The following C8orf34 variants were observed in gnomAD, a reference collection of about 807,000 sequenced individuals.
C8orf34 encodes chromosome 8 open reading frame 34, also known as uncharacterized protein C8orf34.
Under a neutral mutation model 68.3 loss-of-function variants are expected in C8orf34, and 65 were observed. The observed-to-expected ratio is 0.95, with a 90% CI of 0.78 to 1.17. C8orf34 has a LOEUF of 1.17. Among genes scored for constraint, C8orf34 ranks in the 50% most tolerant of loss-of-function variants. C8orf34 has a pLI of 0.00. For missense variants in C8orf34, 664 were observed against 655.4 expected (o/e 1.01, Z -0.14); for synonymous variants, 244 against 241.2 (o/e 1.01, Z -0.11).
At chr8:68,499,476 A>C (rs1162680596) in intron 5 of C8orf34, among the ~76,000 whole-genome samples, 1 of 152,210 alleles carries the variant, frequency 6.6e-6, no homozygotes, top group African/African-American at 2.4e-5. Flanking sequence ...ATACTGATAT[A>C]CATACAGCCG....
At chr8:68,340,956 C>T (rs568736464) in intron 1 of C8orf34, among the ~76,000 whole-genome samples, 10 of 152,300 alleles carry the variant, frequency 6.6e-5, no homozygotes, top group Non-Finnish European at 1.3e-4. Context: ...AACTTATGCA[C>T]TATGACCAAG....
At chr8:68,767,725 T>G (rs1156642274) in intron 10 of C8orf34, among the ~76,000 whole-genome samples, 2 of 152,178 alleles carry the variant, frequency 1.3e-5, no homozygotes, top group East Asian at 3.8e-4. Flanking sequence ...CTTTGAACCC[T>G]AACTCCTGGG....
At chr8:68,469,832 A>T (rs1812304035) in intron 4 of C8orf34, among the ~76,000 whole-genome samples, 1 of 151,706 alleles carries the variant, frequency 6.6e-6, no homozygotes, top group South Asian at 2.1e-4. Context: ...CATTATTTTT[A>T]TCAAAGGCAA....
intron 7 of C8orf34, among the ~76,000 whole-genome samples, chr8:68,550,537 C>G (rs764370632): frequency 1.3e-5 from 2 of 151,740 alleles, no homozygotes; most frequent in Non-Finnish European, 3.0e-5. Flanking sequence ...GTTTTGATTT[C>G]ACCTTCACTT....
intron 12 of C8orf34, among the ~76,000 whole-genome samples, chr8:68,813,557 C>T (rs970097986): frequency 3.3e-5 from 5 of 150,754 alleles, no homozygotes; most frequent in African/African-American, 1.2e-4. Context: ...ACTTTACATG[C>T]TTTTTTTTTG....
intron 5 of C8orf34, among the ~76,000 whole-genome samples, chr8:68,497,820 G>A (rs28412485): frequency 0.38 from 57,689 of 150,966 alleles, 11,275 homozygotes; most frequent in African/African-American, 0.43. Context: ...ATACATATTT[G>A]CTTCTATTTT....
chr8:68,737,467 A>G (rs1354505132), intron 10 of C8orf34, among the ~76,000 whole-genome samples: 1 of 152,078 alleles, frequency 6.6e-6, no homozygotes, highest in Non-Finnish European at 1.5e-5. Flanking sequence ...ATTAAAAGGC[A>G]CAGAATGGTC....
chr8:68,477,856 C>G (rs1207016190), intron 4 of C8orf34, among the ~76,000 whole-genome samples: 1 of 152,186 alleles, frequency 6.6e-6, no homozygotes, highest in Non-Finnish European at 1.5e-5. Flanking sequence ...AAGCAACAGC[C>G]TTTGGTCCCT....
Position 68,478,629 on chromosome 8 carries a change from T to C in C8orf34, c.737-9394T>C, listed in dbSNP as rs143155381. ...TAATTTATAAAGGAAAGTGGTTTAA[T>C]TGATTCACAGTCCTACATGGCTGAA... is the stretch of plus-strand genomic sequence containing the variant. On this transcript the variant is annotated intron_variant, in intron 4 of 13. Coordinates refer to ENST00000518698, the MANE Select transcript of C8orf34 (RefSeq NM_052958.4). 1.2e-3 allele frequency among the ~76,000 whole-genome samples: 184 copies of C among 152,352 alleles called. No individual in the cohort carries two copies. In the East Asian group the frequency reaches 0.022, roughly 18 times the overall value.
At chr8:68,387,436 G>C (rs1330835964) in intron 1 of C8orf34, among the ~76,000 whole-genome samples, 4 of 152,152 alleles carry the variant, frequency 2.6e-5, no homozygotes, top group Non-Finnish European at 5.9e-5. Flanking sequence ...TAAATAGGAA[G>C]TATAATTGAA....
intron 1 of C8orf34, among the ~76,000 whole-genome samples, chr8:68,350,858 A>T (rs192237605): frequency 6.6e-6 from 1 of 152,176 alleles, no homozygotes; most frequent in African/African-American, 2.4e-5. Context: ...ATGTCATTAC[A>T]CTTGAGATGG....
At chr8:68,330,453 G>A (rs1391417625), upstream of C8orf34, among the ~76,000 whole-genome samples, 1 of 152,128 alleles carries the variant, frequency 6.6e-6, no homozygotes, top group Non-Finnish European at 1.5e-5. Flanking sequence ...TTTTGAAAAG[G>A]AAGGCAACTT....
At chr8:68,354,365 A>G (rs1806655157) in intron 1 of C8orf34, among the ~76,000 whole-genome samples, 1 of 152,092 alleles carries the variant, frequency 6.6e-6, no homozygotes, top group Non-Finnish European at 1.5e-5. Context: ...TTTTAGAGAC[A>G]GGATCTTATT....
At position 68,446,525 on chromosome 8, in the gene C8orf34, G is replaced by A. The variant is rs555585467; in HGVS notation, c.607+65G>A. ...AAGTTTATGTTGTTAAGAAAATGAA[G>A]AAAAGGTATTAATTGAAGCCCAACT... On this transcript the variant is annotated intron_variant, in intron 3 of 13. Transcript: ENST00000518698. 14 of 1,527,364 alleles carry A rather than the reference G, an allele frequency of 9.2e-6. No homozygotes were observed. In the East Asian group the frequency reaches 3.0e-4, roughly 33 times the overall value. The allele number at this position is 1,527,364 out of a possible 1,614,324, so 94.6% of individuals were successfully genotyped here.
At chr8:68,706,031 G>C (rs1267707882) in intron 8 of C8orf34, among the ~76,000 whole-genome samples, 1 of 152,142 alleles carries the variant, frequency 6.6e-6, no homozygotes, top group African/African-American at 2.4e-5. Context: ...AATTGTTCTG[G>C]GTGACACAGA....
At chr8:68,664,706 C>T (rs1261257041) in intron 8 of C8orf34, among the ~76,000 whole-genome samples, 1 of 152,126 alleles carries the variant, frequency 6.6e-6, no homozygotes, top group African/African-American at 2.4e-5. Context: ...GATGCCCCTT[C>T]CTTAGTGTGC....
At chr8:68,424,686 G>T (rs1810130855) in intron 1 of C8orf34, among the ~76,000 whole-genome samples, 1 of 152,072 alleles carries the variant, frequency 6.6e-6, no homozygotes, top group African/African-American at 2.4e-5. Flanking sequence ...AGATCACGAG[G>T]TCAGGAGATC....
At chr8:68,690,384 T>C (rs1410880029) in intron 8 of C8orf34, among the ~76,000 whole-genome samples, 1 of 152,054 alleles carries the variant, frequency 6.6e-6, no homozygotes, top group East Asian at 1.9e-4. Context: ...GTTTGACATA[T>C]GTCTTAGCCT....
At chr8:68,768,388 AG>A (rs1439423315) in intron 10 of C8orf34, among the ~76,000 whole-genome samples, 1 of 152,200 alleles carries the variant, frequency 6.6e-6, no homozygotes, top group African/African-American at 2.4e-5. Flanking sequence ...TCTGGTCCCC[AG>A]GGCTGCTCAT....
Sources: gnomAD v4.1 joint callset for allele counts (sites outside exome capture counted in the v4.1 genomes callset) on GRCh38, gnomAD v4.1.1 for gene constraint, MANE v1.5 for transcripts, NCBI Gene and HGNC (gene_info 2026-07-23, HGNC 2026-07-21) for gene names.